The following ADAM12 variants were observed in gnomAD, a reference collection of about 807,000 sequenced individuals.
The protein encoded by ADAM12 is ADAM metallopeptidase domain 12.
Under a neutral mutation model 106.4 loss-of-function variants are expected in ADAM12, and 70 were observed. The ratio of observed to expected loss-of-function variants is 0.66; its 90% CI spans 0.54 to 0.80. The LOEUF (loss-of-function observed/expected upper bound fraction) is 0.80. Among genes scored for constraint, ADAM12 ranks in the 30% least tolerant of loss-of-function variants. The probability of loss-of-function intolerance (pLI) is 0.00; values close to 1 mark genes in which losing one functional copy is unlikely to be tolerated. For synonymous variants in ADAM12, 420 were observed against 433.5 expected, an observed-to-expected ratio of 0.97 and a Z score of 0.39; for missense variants, 1,010 against 1,171.9, an observed-to-expected ratio of 0.86 and a Z score of 2.02.
chr10:126,325,418 G>C (rs1180333440), intron 2 of ADAM12, among the ~76,000 whole-genome samples: 1 of 152,202 alleles, frequency 6.6e-6, no homozygotes, highest in Non-Finnish European at 1.5e-5. Flanking sequence ...AATGGGGATG[G>C]TTATTGGAGG....
rs1953614684 is a variant in ADAM12, at chr10:126,014,133, C to T, written c.*3146G>A. 2 of 152,716 alleles carry T rather than the reference C, an allele frequency of 1.3e-5. No homozygotes were observed. The highest frequency in any genetic ancestry group is 2.9e-5 in the Non-Finnish European group (2 of 68,530). 9.5% of individuals were successfully genotyped at this position (152,716 alleles called of 1,614,324 possible). A position where few individuals can be genotyped will look rare whatever the true frequency, so the allele number is the denominator to read the frequency against. ...ATGAGAAAGATCTGGCCCTGCTGCC[C>T]TGGCGCCACCTTGTGCCCTTTCTGC... On this transcript the variant is annotated 3_prime_UTR_variant, in exon 23 of 23. Transcript: ENST00000448723.
At chr10:126,374,839 C>T (rs1856225067) in intron 1 of ADAM12, among the ~76,000 whole-genome samples, 1 of 152,002 alleles carries the variant, frequency 6.6e-6, no homozygotes, top group African/African-American at 2.4e-5. Context: ...CAAGAAGCAC[C>T]ACAAGGCCAG....
At chr10:126,306,404 C>T (rs1200251821) in intron 2 of ADAM12, among the ~76,000 whole-genome samples, 2 of 151,928 alleles carry the variant, frequency 1.3e-5, no homozygotes, top group Non-Finnish European at 2.9e-5. Flanking sequence ...GTTGTAAAGC[C>T]CTAAATATCT....
intron 3 of ADAM12, among the ~76,000 whole-genome samples, chr10:126,213,622 C>T (rs1333264149): frequency 6.6e-6 from 1 of 152,210 alleles, no homozygotes; most frequent in East Asian, 1.9e-4. Flanking sequence ...AAAATATGCA[C>T]AGGCTAAATT....
At chr10:126,074,292 G>C (rs57761779) in intron 11 of ADAM12, among the ~76,000 whole-genome samples, 2,416 of 152,240 alleles carry the variant, frequency 0.016, 73 homozygotes, top group African/African-American at 0.053. Flanking sequence ...GTCTGAATTG[G>C]CCTGTTTCCC....
chr10:126,097,203 C>A (rs1223177823), intron 10 of ADAM12, among the ~76,000 whole-genome samples: 2 of 152,212 alleles, frequency 1.3e-5, no homozygotes. Context: ...AATGTACAGT[C>A]TGCTCTGTAA....
chr10:126,309,957 A>G (rs1961010387), intron 2 of ADAM12, among the ~76,000 whole-genome samples: 1 of 151,908 alleles, frequency 6.6e-6, no homozygotes, highest in Non-Finnish European at 1.5e-5. Context: ...TCAGAAGTTC[A>G]AGACCAGCCG....
intron 2 of ADAM12, among the ~76,000 whole-genome samples, chr10:126,316,891 A>C (rs1372183356): frequency 6.6e-6 from 1 of 152,118 alleles, no homozygotes. Context: ...AATACATTTT[A>C]AGAGGTATAC....
At chr10:126,212,872 T>C (rs927169752) in intron 3 of ADAM12, among the ~76,000 whole-genome samples, 13 of 152,224 alleles carry the variant, frequency 8.5e-5, no homozygotes, top group African/African-American at 3.1e-4. Flanking sequence ...GTGTATTCTC[T>C]CTCATGCAGT....
At chr10:126,034,154 T>G (rs1050143291) in intron 21 of ADAM12, among the ~76,000 whole-genome samples, 1 of 152,238 alleles carries the variant, frequency 6.6e-6, no homozygotes, top group African/African-American at 2.4e-5. Context: ...GAAGAAATAT[T>G]GACTAGTAGA....
At chr10:126,134,373 G>A (rs2133674756) in intron 5 of ADAM12, among the ~76,000 whole-genome samples, 1 of 152,246 alleles carries the variant, frequency 6.6e-6, no homozygotes, top group Admixed American at 6.5e-5. Context: ...CTCTATGTTT[G>A]TAAAAATAAA....
chr10:126,067,194 T>C (rs1035222451), intron 12 of ADAM12, among the ~76,000 whole-genome samples: 1 of 152,232 alleles, frequency 6.6e-6, no homozygotes, highest in Non-Finnish European at 1.5e-5. Flanking sequence ...ATCAAAAATA[T>C]ACATAGATGC....
intron 1 of ADAM12, among the ~76,000 whole-genome samples, 162 bp from the exon 2 acceptor site, chr10:126,330,671 TTC>T (rs1013801635): frequency 6.6e-6 from 1 of 152,244 alleles, no homozygotes; most frequent in Admixed American, 6.5e-5. Flanking sequence ...AACTGCTGAA[TTC>T]TCTGTCAATC....
At chr10:126,282,200 C>T (rs1959617018) in intron 2 of ADAM12, among the ~76,000 whole-genome samples, 1 of 152,110 alleles carries the variant, frequency 6.6e-6, no homozygotes, top group African/African-American at 2.4e-5. Context: ...ATGTCTGTGT[C>T]CTGATCTCTT....
Position 126,066,682 on chromosome 10 carries a change from G to C in ADAM12, c.1413+35C>G. The C allele has an allele frequency of 1.2e-6, 2 of 1,603,990 alleles. No homozygotes were observed. Among genetic ancestry groups the C allele is most frequent in the Non-Finnish European group, 8.5e-7 (1 of 1,170,884 alleles). ...ATCTGAACCACCTGAACCTGTTGGCGACCTGGGGGTCAAGTTGTAGCTCCG... is the reference window on the plus strand; with the variant it reads ...ATCTGAACCACCTGAACCTGTTGGCCACCTGGGGGTCAAGTTGTAGCTCCG... On this transcript the variant is annotated intron_variant, in intron 13 of 22. Transcript: ENST00000448723. This position sits in a 1 kb window ranked among gnomAD's most constrained non-coding sequence, Gnocchi z 5.1.
rs971290655 is a variant in ADAM12 at position 126,025,584 on chromosome 10, G to A, written c.2530-5759C>T. 5.9e-5 allele frequency among the ~76,000 whole-genome samples: 9 copies of A among 152,190 alleles called. No homozygotes were observed. The East Asian group carries it at 7.7e-4, about 13-fold the overall frequency. On this transcript the variant is annotated intron_variant, in intron 21 of 22. Coordinates refer to ENST00000448723, the MANE Select transcript of ADAM12 (RefSeq NM_001288973.2). The stretch of plus-strand genomic sequence containing the variant: ...AGTGATTGGGGTACCCAAAAGAGAC[G>A]GGCAGAACAGAGCCCCCCCAGCAAA...
chr10:126,106,155 GTCA>G (rs1955762869), intron 8 of ADAM12, among the ~76,000 whole-genome samples: 1 of 152,056 alleles, frequency 6.6e-6, no homozygotes, highest in Admixed American at 6.5e-5. Flanking sequence ...CCTCTGCTTG[GTCA>G]TCATGAGGTC....
intron 9 of ADAM12, among the ~76,000 whole-genome samples, chr10:126,100,508 C>T (rs1376859216): frequency 1.3e-5 from 2 of 149,608 alleles, no homozygotes; most frequent in African/African-American, 5.0e-5. Flanking sequence ...TTGAGACCAT[C>T]TTGGCCAACA....
chr10:126,064,926 G>A lies in ADAM12; in HGVS notation c.1489C>T (p.Pro497Ser). The A allele has an allele frequency of 6.2e-7, 1 of 1,613,268 alleles. No homozygotes were observed. Among genetic ancestry groups the A allele is most frequent in the Non-Finnish European group, 8.5e-7 (1 of 1,179,754 alleles). The change falls in exon 14 of 23, where the codon CCT (proline) becomes TCT (serine). Residue 497 changes from proline (P) to serine (S), a missense_variant. Pro to Ser is a moderately conservative substitution (Grantham distance 74). Around this residue, in one of 3 missense-constraint regions of ADAM12, gnomAD observed 615 missense variants for 708.5 expected, o/e 0.87. Coordinates refer to ENST00000448723, the MANE Select transcript of ADAM12 (RefSeq NM_001288973.2). This position sits in a 1 kb window ranked among gnomAD's most constrained non-coding sequence, Gnocchi z 4.4. ...DLPEFCTGAS[P>S]HCPANVYLHD... ...AGGTACACGTTGGCTGGGCAGTGAGGGCTGGCCCCTGTGCAGAACTCTGGG... is the reference window on the plus strand; with the variant it reads ...AGGTACACGTTGGCTGGGCAGTGAGAGCTGGCCCCTGTGCAGAACTCTGGG...
Sources: gnomAD v4.1 joint callset for allele counts (sites outside exome capture counted in the v4.1 genomes callset) on GRCh38, gnomAD v4.1.1 for gene constraint, gnomAD v4.1.1 regional missense constraint, Gnocchi (gnomAD v3.1) non-coding constraint, MANE v1.5 for transcripts, NCBI Gene and HGNC (gene_info 2026-07-23, HGNC 2026-07-21) for gene names.